ADGRL2: variants seen among roughly 807,000 people sequenced by gnomAD.
ADGRL2 encodes calcium-independent alpha-latrotoxin receptor 2.
In ADGRL2, 44 loss-of-function variants were observed where a neutral mutation model predicts 157.4. The ratio of observed to expected loss-of-function variants is 0.28; its 90% CI spans 0.22 to 0.36. The LOEUF is 0.36. ADGRL2 is among the 10% of genes least tolerant of loss of function. ADGRL2 has a pLI of 1.00. For synonymous variants in ADGRL2, 585 were observed against 624.7 expected (o/e 0.94, Z 0.95); for missense variants, 1,510 against 1,768.9 (o/e 0.85, Z 2.63).
intron 2 of ADGRL2, among the ~76,000 whole-genome samples, chr1:81,526,943 G>A (rs780841678): frequency 1.8e-4 from 28 of 152,208 alleles, no homozygotes; most frequent in East Asian, 1.9e-4. Flanking sequence ...AGTATTGACC[G>A]TTTGGAGCCA....
At chr1:81,596,530 G>A (rs17106770) in intron 3 of ADGRL2, 64,485 of 357,332 alleles carry the variant, frequency 0.18, 6,367 homozygotes, top group East Asian at 0.34. Flanking sequence ...CTCCCTGACC[G>A]ACTTGTTCCT....
intron 2 of ADGRL2, among the ~76,000 whole-genome samples, chr1:81,838,038 T>TAA (rs1351861366): frequency 6.6e-6 from 1 of 152,018 alleles, no homozygotes. Context: ...AAATTGATTT[T>TAA]ATATGTACTT....
chr1:81,893,319 T>TTTTTTTTTTTTTTGTTTTTG (rs753014450), intron 2 of ADGRL2, among the ~76,000 whole-genome samples: 1 of 150,248 alleles, frequency 6.7e-6, no homozygotes, highest in Non-Finnish European at 1.5e-5. Context: ...CAATCCTGTC[T>TTTTTTTTTTTTTTGTTTTTG]TGTATTTTTC....
chr1:81,888,970 TG>T (rs2094197040), intron 2 of ADGRL2, among the ~76,000 whole-genome samples: 1 of 152,190 alleles, frequency 6.6e-6, no homozygotes, highest in Non-Finnish European at 1.5e-5. Flanking sequence ...GTAATTGGAG[TG>T]CCATGAATCA....
chr1:81,716,282 G>A (rs1304955695), intron 1 of ADGRL2, among the ~76,000 whole-genome samples: 2 of 152,116 alleles, frequency 1.3e-5, no homozygotes, highest in Admixed American at 1.3e-4. Context: ...TATAGACTTT[G>A]CATGACCTTA....
chr1:81,593,531 T>G (rs1196968416), intron 3 of ADGRL2, among the ~76,000 whole-genome samples: 1 of 152,234 alleles, frequency 6.6e-6, no homozygotes, highest in Non-Finnish European at 1.5e-5. Flanking sequence ...TGATTATTGC[T>G]GATGTTCCAT....
At chr1:81,493,567 G>C (rs1323109322) in intron 2 of ADGRL2, among the ~76,000 whole-genome samples, 1 of 152,154 alleles carries the variant, frequency 6.6e-6, no homozygotes, top group African/African-American at 2.4e-5. Context: ...GGGATATTTG[G>C]AAGGAAGGGA....
intron 1 of ADGRL2, among the ~76,000 whole-genome samples, chr1:81,821,381 G>A (rs2090975489): frequency 6.6e-6 from 1 of 152,100 alleles, no homozygotes; most frequent in Non-Finnish European, 1.5e-5. Flanking sequence ...TATGCAGGGA[G>A]CTCTTCCTCC....
intron 1 of ADGRL2, among the ~76,000 whole-genome samples, chr1:81,378,566 TAAAAA>T (rs58850012): frequency 3.0e-5 from 3 of 101,336 alleles, no homozygotes; most frequent in African/African-American, 7.8e-5. Context: ...CCTTGTATCT[TAAAAA>T]AAAAAAAAAA....
chr1:81,767,548 TA>T (rs1256573563), intron 2 of ADGRL2, among the ~76,000 whole-genome samples: 1 of 152,102 alleles, frequency 6.6e-6, no homozygotes, highest in Non-Finnish European at 1.5e-5. Flanking sequence ...AGGATGAGGT[TA>T]AAAGATCAGT....
chr1:81,509,066 C>T (rs575507302), intron 2 of ADGRL2, among the ~76,000 whole-genome samples: 1 of 152,304 alleles, frequency 6.6e-6, no homozygotes, highest in African/African-American at 2.4e-5. Context: ...AGTTGCTCTT[C>T]ATCCTTCCTT....
rs1285557510 is a variant in ADGRL2, at chr1:81,943,310, T to C, written c.751T>C (p.Tyr251His). The C allele has an allele frequency of 5.0e-6, 8 of 1,613,582 alleles. No homozygotes were observed. Among genetic ancestry groups the C allele is most frequent in the East Asian group, 4.5e-5 (2 of 44,860 alleles). The change falls in exon 6 of 24, where the codon TAT (tyrosine) becomes CAT (histidine). Residue 251 changes from tyrosine to histidine, a missense_variant. Physicochemically the swap from Tyr to His is moderately conservative, Grantham distance 83. Coordinates refer to ENST00000686636, the MANE Select transcript of ADGRL2 (RefSeq NM_001366006.2). The surrounding 1 kb of genome is among the most constrained non-coding windows in gnomAD (Gnocchi z 5.6). ...RIKSGEAIINYANYHDTSPYR... is the reference protein window; with the variant it reads ...RIKSGEAIINHANYHDTSPYR... ...TAAGAGTGGCGAGGCCATAATTAAC[T>C]ATGCCAACTACCATGATACCTCACC...
chr1:81,775,220 A>G (rs184051804), intron 2 of ADGRL2, among the ~76,000 whole-genome samples: 4 of 150,214 alleles, frequency 2.7e-5, no homozygotes, highest in Admixed American at 2.7e-4. Flanking sequence ...TAATACTCTG[A>G]AAAAAAAACA....
intron 2 of ADGRL2, among the ~76,000 whole-genome samples, chr1:81,477,897 G>T (rs563718979): frequency 1.3e-5 from 2 of 152,178 alleles, no homozygotes; most frequent in African/African-American, 4.8e-5. Flanking sequence ...CCATCACTAC[G>T]ATGTCATTCT....
chr1:81,837,226 C>G (rs951080698), intron 2 of ADGRL2, among the ~76,000 whole-genome samples, 169 bp downstream of exon 2: 5 of 151,900 alleles, frequency 3.3e-5, no homozygotes, highest in African/African-American at 1.2e-4. Context: ...TTTGATAACA[C>G]AGATATGATA....
chr1:81,472,762 A>AAACCC (rs2078198178), intron 2 of ADGRL2, among the ~76,000 whole-genome samples: 3 of 152,246 alleles, frequency 2.0e-5, no homozygotes, highest in Admixed American at 6.5e-5. Flanking sequence ...AAATGGCACC[A>AAACCC]TAATGAAATT....
Position 81,422,276 on chromosome 1 carries a change from G to A in ADGRL2, c.-301-22760G>A, listed in dbSNP as rs4130664. On this transcript the variant is annotated intron_variant, in intron 1 of 24. Coordinates refer to the ADGRL2 transcript ENST00000370721. ...AATTTTTTTTTTGAGACGGAGTCTC[G>A]TTCTGTTGCCTAGGCTGGAGTGCAA... Among the ~76,000 whole-genome samples, 30 of 151,776 alleles carry A rather than the reference G, an allele frequency of 2.0e-4. No individual in the cohort carries two copies. In the East Asian group the frequency reaches 2.5e-3, roughly 13 times the overall value.
chr1:81,928,457 T>C (rs1179964848), intron 3 of ADGRL2, among the ~76,000 whole-genome samples: 2 of 152,156 alleles, frequency 1.3e-5, no homozygotes, highest in African/African-American at 2.4e-5. Context: ...CAGATTCTTA[T>C]GTGCTAGGCA....
At chr1:81,966,263 T>A in intron 12 of ADGRL2, 80 bp downstream of exon 12, 2 of 1,576,170 alleles carry the variant, frequency 1.3e-6, no homozygotes, top group African/African-American at 2.7e-5. Context: ...ATTTGAGTCC[T>A]TATATAACAA....
Sources: allele counts gnomAD v4.1 joint callset (sites outside exome capture counted in the v4.1 genomes callset), GRCh38; gene constraint gnomAD v4.1.1; non-coding constraint Gnocchi (gnomAD v3.1); transcripts MANE v1.5; gene names NCBI Gene and HGNC (gene_info 2026-07-23, HGNC 2026-07-21).